Variants in NAV3 observed in about 807,000 individuals in gnomAD.
NAV3 encodes pore membrane and/or filament interacting like protein 1.
A neutral mutation model predicts 244.7 loss-of-function variants in NAV3; 87 were observed. The ratio of observed to expected loss-of-function variants is 0.36; its 90% CI spans 0.30 to 0.42. The LOEUF (loss-of-function observed/expected upper bound fraction) is 0.42, where lower values mean the gene tolerates loss of function less well. Among genes scored for constraint, NAV3 ranks in the 20% least tolerant of loss-of-function variants. The pLI, the probability that NAV3 is intolerant of heterozygous loss-of-function variation, is 1.00. For synonymous variants in NAV3, 1,126 were observed against 1,042.2 expected (o/e 1.08, Z -1.55); for missense variants, 2,663 against 2,893.3 (o/e 0.92, Z 1.83).
chr12:77,693,012 G>A lies in NAV3; in HGVS notation c.72+120746G>A, dbSNP rs1875108441. 3.9e-5 allele frequency among the ~76,000 whole-genome samples: 6 copies of A among 152,048 alleles called. No individual in the cohort carries two copies. In the South Asian group the frequency reaches 1.2e-3, roughly 32 times the overall value. On this transcript the variant is annotated intron_variant, in intron 2 of 8. Coordinates refer to the NAV3 transcript ENST00000550042. Reference sequence around the variant, plus strand: ...CAAGCAAATGTGGTGGATAAAGACGGGAACATTCCTATTAGGGAAGCAGCG... The same window carrying A: ...CAAGCAAATGTGGTGGATAAAGACGAGAACATTCCTATTAGGGAAGCAGCG...
intron 12 of NAV3, among the ~76,000 whole-genome samples, chr12:78,075,933 G>A (rs1044380757): frequency 6.6e-6 from 1 of 152,192 alleles, no homozygotes; most frequent in South Asian, 2.1e-4. Flanking sequence ...GTTCCCAAGA[G>A]TCAAGTGGAT....
At position 78,034,054 on chromosome 12, in the gene NAV3, G is replaced by A. The variant is rs115233062; in HGVS notation, c.2023+12192G>A. Among the ~76,000 whole-genome samples, 916 of 152,286 alleles carry A rather than the reference G, an allele frequency of 6.0e-3. 10 individuals carry two copies. Among genetic ancestry groups the A allele is most frequent in the African/African-American group, 0.021 (857 of 41,558 alleles). On this transcript the variant is annotated intron_variant, in intron 9 of 39. Transcript: ENST00000397909. ...TGTCAGCAAAATACATCTTTGTATT[G>A]AATGCCACTGAAGTTTCTAAACCAT...
chr12:77,604,954 A>C (rs565240633), intron 2 of NAV3, among the ~76,000 whole-genome samples: 1 of 152,104 alleles, frequency 6.6e-6, no homozygotes, highest in Non-Finnish European at 1.5e-5. Flanking sequence ...TTTAGACTAC[A>C]TGTTGCCATT....
At chr12:77,763,467 C>T (rs1869589961) in intron 2 of NAV3, among the ~76,000 whole-genome samples, 1 of 152,186 alleles carries the variant, frequency 6.6e-6, no homozygotes, top group South Asian at 2.1e-4. Context: ...CTTCTGTAGA[C>T]CAGCATCATC....
At chr12:77,685,011 A>G (rs1297667460) in intron 2 of NAV3, among the ~76,000 whole-genome samples, 1 of 152,180 alleles carries the variant, frequency 6.6e-6, no homozygotes, top group Non-Finnish European at 1.5e-5. Flanking sequence ...TCCTAATACC[A>G]ATGTCACACT....
intron 3 of NAV3, among the ~76,000 whole-genome samples, chr12:77,965,630 CACAA>C (rs774646579): frequency 2.6e-5 from 4 of 152,054 alleles, no homozygotes; most frequent in Admixed American, 6.6e-5. Context: ...AAATCAAAAA[CACAA>C]ACAAACAAAC....
intron 1 of NAV3, among the ~76,000 whole-genome samples, chr12:77,932,217 T>G (rs1196254862): frequency 6.6e-6 from 1 of 152,172 alleles, no homozygotes; most frequent in African/African-American, 2.4e-5. Context: ...TTCCATGCCT[T>G]TACCTTTTGT....
intron 11 of NAV3, chr12:78,052,055 A>T (rs981558233): frequency 6.6e-6 from 1 of 152,178 alleles, no homozygotes; most frequent in Admixed American, 6.5e-5. Context: ...AATATGTGGA[A>T]AAGCTTCCCA....
chr12:77,879,770 T>C (rs778616491), intron 1 of NAV3, among the ~76,000 whole-genome samples: 17 of 150,240 alleles, frequency 1.1e-4, no homozygotes, highest in Non-Finnish European at 1.8e-4. Context: ...TAGAGTTCAC[T>C]ACCACCAAAT....
At chr12:77,613,896 C>T (rs758094196) in intron 2 of NAV3, among the ~76,000 whole-genome samples, 5 of 151,950 alleles carry the variant, frequency 3.3e-5, no homozygotes, top group African/African-American at 4.8e-5. Context: ...CTGATCCATG[C>T]GATGATGAAC....
At chr12:78,109,071 A>G (rs1366665274) in intron 12 of NAV3, among the ~76,000 whole-genome samples, 1 of 152,040 alleles carries the variant, frequency 6.6e-6, no homozygotes, top group Non-Finnish European at 1.5e-5. Flanking sequence ...TAGACTAAAC[A>G]AGGAAAAAGA....
At chr12:77,960,952 C>A (rs1489648378) in intron 3 of NAV3, among the ~76,000 whole-genome samples, 1 of 144,726 alleles carries the variant, frequency 6.9e-6, no homozygotes, top group African/African-American at 2.5e-5. Flanking sequence ...ATGCCTATGT[C>A]TTATGCATGT....
At chr12:77,607,273 C>T (rs975170890) in intron 2 of NAV3, among the ~76,000 whole-genome samples, 1 of 152,038 alleles carries the variant, frequency 6.6e-6, no homozygotes, top group African/African-American at 2.4e-5. Context: ...TTTATCTACG[C>T]TATAATTTAG....
At chr12:77,584,087 T>G (rs1869491730) in intron 2 of NAV3, among the ~76,000 whole-genome samples, 1 of 152,216 alleles carries the variant, frequency 6.6e-6, no homozygotes, top group African/African-American at 2.4e-5. Flanking sequence ...CACTCCATCA[T>G]TATGTTCTAT....
intron 30 of NAV3, among the ~76,000 whole-genome samples, chr12:78,183,621 G>T (rs1958590670): frequency 6.6e-6 from 1 of 151,886 alleles, no homozygotes; most frequent in African/African-American, 2.4e-5. Flanking sequence ...TAAAAGCAAA[G>T]AATAGTTATT....
At chr12:77,733,254 A>T (rs1363394699) in intron 2 of NAV3, among the ~76,000 whole-genome samples, 1 of 152,040 alleles carries the variant, frequency 6.6e-6, no homozygotes, top group Non-Finnish European at 1.5e-5. Flanking sequence ...TTAGTGAAAG[A>T]TTGGAATAGG....
intron 6 of NAV3, among the ~76,000 whole-genome samples, chr12:77,996,120 T>C (rs980454458): frequency 3.9e-5 from 6 of 152,336 alleles, no homozygotes; most frequent in Non-Finnish European, 8.8e-5. Context: ...TTAATTATTT[T>C]CTGAAACAGG....
chr12:78,088,950 G>T (rs1226283107), intron 12 of NAV3: 1 of 152,068 alleles, frequency 6.6e-6, no homozygotes, highest in Non-Finnish European at 1.5e-5. Flanking sequence ...TTTAGCTTTG[G>T]ACCTTTCACT....
chr12:77,766,735 G>GTTTGTTTTTTTTTTTTTT lies in NAV3; in HGVS notation c.73-173581_73-173580insGTTTTTTTTTTTTTTTTT, dbSNP rs1555202961. Among the ~76,000 whole-genome samples the GTTTGTTTTTTTTTTTTTT allele has an allele frequency of 5.2e-3, 315 of 60,514 alleles. 86 individuals are homozygous for GTTTGTTTTTTTTTTTTTT. The highest frequency in any genetic ancestry group is 0.018 in the South Asian group (22 of 1,190). The allele number at this position is 60,514 out of a possible 152,430, so 39.7% of individuals were successfully genotyped here. A position where few individuals can be genotyped will look rare whatever the true frequency, so the allele number is the denominator to read the frequency against. ...AGGATTCTAAAAAACAGGCAATTAA[G>GTTTGTTTTTTTTTTTTTT]TTTTTTTTTTTTTTTTTTTTTTTTT... is the stretch of plus-strand genomic sequence containing the variant. On this transcript the variant is annotated intron_variant, in intron 2 of 8. Transcript: ENST00000550042.
Sources: allele counts gnomAD v4.1 joint callset (sites outside exome capture counted in the v4.1 genomes callset), GRCh38; gene constraint gnomAD v4.1.1; transcripts MANE v1.5; gene names NCBI Gene and HGNC (gene_info 2026-07-23, HGNC 2026-07-21).